ADA2: variants seen among roughly 807,000 people sequenced by gnomAD.
ADA2 encodes the protein adenosine deaminase CECR1.
Under a neutral mutation model 44.2 loss-of-function variants are expected in ADA2, and 29 were observed. That is an observed-to-expected ratio of 0.66 (90% confidence interval 0.49 to 0.89). The LOEUF (loss-of-function observed/expected upper bound fraction) is 0.89, where lower values mean the gene tolerates loss of function less well. Ranked by LOEUF, ADA2 falls within the 40% of genes least tolerant of loss-of-function variation. The pLI is 0.00. For synonymous variants in ADA2, 215 were observed against 234.9 expected (o/e 0.92, Z 0.77); for missense variants, 637 against 644.8 (o/e 0.99, Z 0.13).
At chr22:17,205,359 C>A (rs2062342799) in intron 3 of ADA2, among the ~76,000 whole-genome samples, 1 of 152,120 alleles carries the variant, frequency 6.6e-6, no homozygotes, top group Non-Finnish European at 1.5e-5. Context: ...AGTGATCCTC[C>A]CACCTCAGCC....
rs757520466 is a variant in ADA2, at chr22:17,203,570, A to C, written c.746T>G (p.Leu249Arg). The C allele has an allele frequency of 3.1e-6, 5 of 1,611,894 alleles. No homozygotes were observed. The South Asian group carries it at 5.5e-5, about 18-fold the overall frequency. ...GAGGAGAGCTGGGCTCACCGGCAGCAGCCTGGCTCTGATCTCCATGTAGAG... is the reference window on the plus strand; with the variant it reads ...GAGGAGAGCTGGGCTCACCGGCAGCCGCCTGGCTCTGATCTCCATGTAGAG... Reference protein sequence around the residue: ...NVLYMEIRARLLPVYELSGEH... With the variant: ...NVLYMEIRARRLPVYELSGEH... The change falls in exon 4 of 10, where the codon CTG (leucine) becomes CGG (arginine). Residue 249 changes from leucine to arginine, a missense_variant. Physicochemically the swap from Leu to Arg is moderately radical, Grantham distance 102 (BLOSUM62 -2). Transcript: ENST00000399837.
chr22:17,187,743 A>G (rs1045088777), intron 7 of ADA2, among the ~76,000 whole-genome samples: 4 of 151,970 alleles, frequency 2.6e-5, no homozygotes, highest in African/African-American at 9.7e-5. Context: ...ACCCTGGACC[A>G]CTGTGTTTGG....
Position 17,209,684 on chromosome 22 carries a change from G to A in ADA2, c.-7C>T, listed in dbSNP as rs151000405. 2 of 1,608,784 alleles carry A rather than the reference G, an allele frequency of 1.2e-6. No individual in the cohort carries two copies. Among genetic ancestry groups the A allele is most frequent in the Non-Finnish European group, 1.7e-6 (2 of 1,178,210 alleles). ...ATGGGCCATCCACCAACATCGGGAT[G>A]CCTGGACTAGGAAAGGGCTCAGATG... On this transcript the variant is annotated 5_prime_UTR_variant, in exon 2 of 10. Coordinates refer to ENST00000399837, the MANE Select transcript of ADA2 (RefSeq NM_001282225.2).
chr22:17,193,004 C>G (rs760286454), intron 4 of ADA2: 66 of 643,332 alleles, frequency 1.0e-4, no homozygotes, highest in Non-Finnish European at 1.5e-4. Context: ...TTAACCGTAA[C>G]TGGCGGAAAC....
intron 1 of ADA2, chr22:17,213,638 G>A (rs1183591927): frequency 1.1e-5 from 3 of 278,654 alleles, no homozygotes; most frequent in Non-Finnish European, 2.2e-5. Context: ...CAATGGGAAT[G>A]AACAAAAAGA....
intron 4 of ADA2, among the ~76,000 whole-genome samples, chr22:17,200,488 A>G (rs921890389): frequency 5.9e-5 from 9 of 152,252 alleles, no homozygotes; most frequent in Admixed American, 2.0e-4. Flanking sequence ...CTGCACTCAG[A>G]GAGTTAAAAT....
chr22:17,201,095 G>A (rs1321775423), intron 4 of ADA2, among the ~76,000 whole-genome samples: 2 of 151,870 alleles, frequency 1.3e-5, no homozygotes, highest in Non-Finnish European at 2.9e-5. Flanking sequence ...TGTAGTCCCA[G>A]CTACTCGGGA....
intron 4 of ADA2, among the ~76,000 whole-genome samples, chr22:17,194,227 T>C (rs938268275): frequency 2.0e-5 from 3 of 152,084 alleles, no homozygotes; most frequent in South Asian, 2.1e-4. Flanking sequence ...AGCCAGGAGC[T>C]GTCCCCTCAC....
intron 4 of ADA2, among the ~76,000 whole-genome samples, chr22:17,196,519 C>G (rs1297878458): frequency 6.6e-6 from 1 of 152,078 alleles, no homozygotes; most frequent in African/African-American, 2.4e-5. Flanking sequence ...TTGTCTTGGA[C>G]TCATCCAGCT....
chr22:17,189,091 C>T (rs1001746046), intron 6 of ADA2, among the ~76,000 whole-genome samples: 1 of 147,584 alleles, frequency 6.8e-6, no homozygotes, highest in Admixed American at 6.9e-5. Flanking sequence ...GCAATCTCAG[C>T]TCACTGCAAC....
intron 1 of ADA2, among the ~76,000 whole-genome samples, chr22:17,214,655 C>T: frequency 6.6e-6 from 1 of 152,230 alleles, no homozygotes; most frequent in Admixed American, 6.5e-5. Context: ...CCAGGGAAGC[C>T]ATTTGCAACT....
intron 7 of ADA2, 103 bp from the exon 8 acceptor site, chr22:17,182,864 ACAG>A: frequency 8.5e-7 from 1 of 1,181,042 alleles, no homozygotes; most frequent in Non-Finnish European, 1.2e-6. Context: ...CCTCAAATAA[ACAG>A]CCCCCCAAGC....
chr22:17,183,308 T>C (rs1276125992), intron 7 of ADA2, among the ~76,000 whole-genome samples: 1 of 151,828 alleles, frequency 6.6e-6, no homozygotes, highest in Admixed American at 6.6e-5. Flanking sequence ...TGGTCTTGAT[T>C]TCTTGACCTC....
chr22:17,213,029 A>T (rs1443955039), intron 1 of ADA2, among the ~76,000 whole-genome samples: 1 of 150,768 alleles, frequency 6.6e-6, no homozygotes, highest in African/African-American at 2.4e-5. Flanking sequence ...GGCTCAAGCG[A>T]TCCTCCTGCC....
chr22:17,202,020 G>A (rs2123695517), intron 4 of ADA2, among the ~76,000 whole-genome samples: 1 of 126,800 alleles, frequency 7.9e-6, no homozygotes, highest in African/African-American at 3.0e-5. Flanking sequence ...CATCCAGGCT[G>A]AAGAGCAATG....
At chr22:17,196,323 C>CCA (rs2062190380) in intron 4 of ADA2, among the ~76,000 whole-genome samples, 1 of 86,888 alleles carries the variant, frequency 1.2e-5, no homozygotes, top group Non-Finnish European at 2.2e-5. Flanking sequence ...AACTCCATCC[C>CCA]AAAAAAAAAA....
chr22:17,213,386 C>T (rs2062437132), intron 1 of ADA2: 1 of 165,866 alleles, frequency 6.0e-6, no homozygotes, highest in Non-Finnish European at 1.3e-5. Context: ...GATACCTGTA[C>T]TCGGATGCTT....
intron 4 of ADA2, among the ~76,000 whole-genome samples, chr22:17,196,366 A>C (rs2062191375): frequency 6.6e-6 from 1 of 151,888 alleles, no homozygotes; most frequent in African/African-American, 2.4e-5. Context: ...TTTAACATCT[A>C]ATACAGGATA....
intron 4 of ADA2, 105 bp from the exon 5 acceptor site, chr22:17,191,915 ACCACCCCCTTCCCAG>A (rs1259912373): frequency 6.7e-5 from 70 of 1,042,678 alleles, no homozygotes; most frequent in Non-Finnish European, 7.8e-5. Flanking sequence ...CCCCTGCCCA[ACCACCCCCTTCCCAG>A]CCACCCCTTC....
Sources: gnomAD v4.1 joint callset for allele counts (sites outside exome capture counted in the v4.1 genomes callset) on GRCh38, gnomAD v4.1.1 for gene constraint, MANE v1.5 for transcripts, NCBI Gene and HGNC (gene_info 2026-07-23, HGNC 2026-07-21) for gene names.